Variants in ARHGAP39 observed in about 807,000 individuals in gnomAD.
The protein encoded by ARHGAP39 is Rho GTPase activating protein 39, also known as rho GTPase-activating protein 39.
Under a neutral mutation model 106.9 loss-of-function variants are expected in ARHGAP39, and 44 were observed. That is an observed-to-expected ratio of 0.41 (90% CI 0.32 to 0.53). The LOEUF is 0.53. Ranked by LOEUF, ARHGAP39 falls within the 20% of genes least tolerant of loss-of-function variation. The probability of loss-of-function intolerance (pLI) is 0.21; values close to 1 mark genes in which losing one functional copy is unlikely to be tolerated. For missense variants in ARHGAP39, 1,496 were observed against 1,577.3 expected, an observed-to-expected ratio of 0.95 and a Z score of 0.87; for synonymous variants, 768 against 693.2, an observed-to-expected ratio of 1.11 and a Z score of -1.69.
At chr8:144,567,198 T>C (rs1818427495) in intron 3 of ARHGAP39, among the ~76,000 whole-genome samples, 1 of 152,210 alleles carries the variant, frequency 6.6e-6, no homozygotes, top group African/African-American at 2.4e-5. Context: ...CATTGATCAA[T>C]AGTTTGTAGC....
At position 144,640,848 on chromosome 8, in the gene ARHGAP39, C is replaced by T. The variant is rs371228954; in HGVS notation, c.-81-35153G>A. ...CATTAGGTATTAGATAAGCGTCCCA[C>T]GAAACATTGTTGAAAACGAAGCCAC... On this transcript the variant is annotated intron_variant, in intron 1 of 11. Transcript: ENST00000377307. 1.3e-4 allele frequency among the ~76,000 whole-genome samples: 20 copies of T among 152,216 alleles called. No homozygotes were observed. In the East Asian group the frequency reaches 1.7e-3, roughly 13 times the overall value.
In ARHGAP39 at chr8:144,553,269, C is replaced by A. The variant is rs1255258284; in HGVS notation, c.596+2291G>T. On this transcript the variant is annotated intron_variant, in intron 4 of 11. Coordinates refer to ENST00000377307, the MANE Select transcript of ARHGAP39 (RefSeq NM_025251.3). Reference sequence around the variant, plus strand: ...TTGCCGTGGCAGGCCCTCTCACTGACTCCCCAAGGAAGGTAAGTTCCCGCT... The same window carrying A: ...TTGCCGTGGCAGGCCCTCTCACTGAATCCCCAAGGAAGGTAAGTTCCCGCT... Among the ~76,000 whole-genome samples the A allele has an allele frequency of 3.3e-5, 5 of 152,182 alleles. No individual in the cohort carries two copies. The East Asian group carries it at 9.6e-4, about 29-fold the overall frequency.
At chr8:144,611,111 G>A (rs1340157368) in intron 1 of ARHGAP39, among the ~76,000 whole-genome samples, 1 of 152,206 alleles carries the variant, frequency 6.6e-6, no homozygotes, top group Non-Finnish European at 1.5e-5. Flanking sequence ...GAGCCATCAC[G>A]CCCAGCCTCA....
the ARHGAP39 span, among the ~76,000 whole-genome samples, chr8:144,695,366 G>A: frequency 2.8e-5 from 4 of 145,156 alleles, no homozygotes; most frequent in Non-Finnish European, 3.0e-5. Flanking sequence ...GAACCACTGC[G>A]CCTGGCCATT....
At chr8:144,536,468 G>C (rs144273207) in intron 7 of ARHGAP39, among the ~76,000 whole-genome samples, 2,218 of 152,304 alleles carry the variant, frequency 0.015, 42 homozygotes, top group Admixed American at 0.045. Context: ...CTGCAGCCAG[G>C]AGGCTTTTAT....
intron 1 of ARHGAP39, among the ~76,000 whole-genome samples, chr8:144,614,950 T>C (rs1229212077): frequency 6.6e-6 from 1 of 152,240 alleles, no homozygotes; most frequent in Non-Finnish European, 1.5e-5. Flanking sequence ...TTTCCTTATA[T>C]GAACACAATG....
chr8:144,627,873 G>A (rs1462843785), intron 1 of ARHGAP39, among the ~76,000 whole-genome samples: 1 of 152,222 alleles, frequency 6.6e-6, no homozygotes, highest in African/African-American at 2.4e-5. Flanking sequence ...TCACAGCAGT[G>A]CTCTGCCAGG....
At chr8:144,538,676 G>T (rs943067694) in intron 6 of ARHGAP39, among the ~76,000 whole-genome samples, 1 of 152,102 alleles carries the variant, frequency 6.6e-6, no homozygotes, top group Non-Finnish European at 1.5e-5. Flanking sequence ...GGGTTCAAGA[G>T]ATTCCCACCT....
chr8:144,532,744 C>T (rs1441288755), intron 9 of ARHGAP39, among the ~76,000 whole-genome samples: 1 of 152,188 alleles, frequency 6.6e-6, no homozygotes, highest in Admixed American at 6.5e-5. Flanking sequence ...TACCCCTTGC[C>T]CTGACAGGTG....
At chr8:144,630,376 C>T (rs1821030716) in intron 1 of ARHGAP39, among the ~76,000 whole-genome samples, 1 of 152,178 alleles carries the variant, frequency 6.6e-6, no homozygotes, top group African/African-American at 2.4e-5. Flanking sequence ...CATTCTGTCA[C>T]AATTTTGAAA....
intron 2 of ARHGAP39, among the ~76,000 whole-genome samples, chr8:144,596,409 A>G (rs1278730538): frequency 3.9e-5 from 6 of 152,158 alleles, no homozygotes; most frequent in Non-Finnish European, 4.4e-5. Flanking sequence ...GGCGCTGTCC[A>G]TCACCGCTCA....
intron 3 of ARHGAP39, among the ~76,000 whole-genome samples, chr8:144,558,231 T>C (rs186703371): frequency 5.3e-5 from 8 of 152,274 alleles, no homozygotes; most frequent in Admixed American, 5.2e-4. Flanking sequence ...GATGGGAAAA[T>C]TCAATAAATA....
chr8:144,603,516 C>G (rs1820160842), intron 2 of ARHGAP39, among the ~76,000 whole-genome samples: 1 of 151,910 alleles, frequency 6.6e-6, no homozygotes. Flanking sequence ...TGGTGAAACC[C>G]CATCTCTAGT....
intron 1 of ARHGAP39, among the ~76,000 whole-genome samples, chr8:144,628,699 C>T (rs940546343): frequency 6.6e-6 from 1 of 152,208 alleles, no homozygotes; most frequent in Non-Finnish European, 1.5e-5. Context: ...ACAGGGAACC[C>T]ACCCTCTAAA....
chr8:144,577,360 T>A (rs749591925), intron 3 of ARHGAP39, among the ~76,000 whole-genome samples: 1 of 152,130 alleles, frequency 6.6e-6, no homozygotes, highest in African/African-American at 2.4e-5. Context: ...TCATCTTAAC[T>A]GATACAGAAA....
rs564852391 is a variant in ARHGAP39, at chr8:144,589,409, G to A, written c.81-8132C>T. ...GCCCAGAGGGGCTCAGGGGACAGGAGCGCCCAGAGCAGGGCAGCGGGAAGC... is the reference window on the plus strand; with the variant it reads ...GCCCAGAGGGGCTCAGGGGACAGGAACGCCCAGAGCAGGGCAGCGGGAAGC... On this transcript the variant is annotated intron_variant, in intron 2 of 11. Coordinates refer to ENST00000377307, the MANE Select transcript of ARHGAP39 (RefSeq NM_025251.3). Among the ~76,000 whole-genome samples, 18 of 152,300 alleles carry A rather than the reference G, an allele frequency of 1.2e-4. 2 individuals are homozygous for A. The South Asian group carries it at 3.3e-3, about 28-fold the overall frequency.
chr8:144,529,513 G>A lies in ARHGAP39; in HGVS notation c.*909C>T, dbSNP rs1212027566. On this transcript the variant is annotated 3_prime_UTR_variant, in exon 12 of 12. Coordinates refer to ENST00000377307, the MANE Select transcript of ARHGAP39 (RefSeq NM_025251.3). ...CTTCCCGCTCGCTCGTCTCCTGCAG[G>A]TCTGGGATGGGGATGGGGTAGAGCT... 1 of 152,224 alleles carries A rather than the reference G, an allele frequency of 6.6e-6. No homozygotes were observed. The highest frequency in any genetic ancestry group is 1.9e-4 in the East Asian group (1 of 5,192). The allele number at this position is 152,224 out of a possible 1,614,324, so 9.4% of individuals were successfully genotyped here.
In ARHGAP39 at chr8:144,581,076, C is replaced by T; in HGVS notation, c.282G>A (p.Arg94=). ...GCGGGATGATGTCGCAGCCCTGCGG[C>T]CGGTGCCACACCGTGCGCTGCGTGC... ...NASTQRTVWH[R]PQGCDIIPLA... is the part of the protein sequence containing the mutation. The change falls in exon 3 of 12, where the codon CGG becomes CGA. Residue 94 remains arginine (R), a synonymous_variant. Coordinates refer to ENST00000377307, the MANE Select transcript of ARHGAP39 (RefSeq NM_025251.3). The T allele has an allele frequency of 6.3e-7, 1 of 1,588,808 alleles. No individual in the cohort carries two copies. Among genetic ancestry groups the T allele is most frequent in the South Asian group, 1.1e-5 (1 of 87,748 alleles).
chr8:144,635,698 C>T (rs909273851), intron 1 of ARHGAP39, among the ~76,000 whole-genome samples: 1 of 152,160 alleles, frequency 6.6e-6, no homozygotes, highest in Non-Finnish European at 1.5e-5. Context: ...CTGAGTCTCC[C>T]GCTAGGTAGA....
Sources: gnomAD v4.1 joint callset for allele counts (sites outside exome capture counted in the v4.1 genomes callset) on GRCh38, gnomAD v4.1.1 for gene constraint, MANE v1.5 for transcripts, NCBI Gene and HGNC (gene_info 2026-07-23, HGNC 2026-07-21) for gene names.